NUDT3: variants seen among roughly 807,000 people sequenced by gnomAD.
NUDT3 encodes diphosphoinositol polyphosphate phosphohydrolase 1.
A neutral mutation model predicts 23.6 loss-of-function variants in NUDT3; 9 were observed. The observed-to-expected ratio is 0.38, with a 90% CI of 0.23 to 0.66. The LOEUF is 0.66. NUDT3 is among the 30% of genes least tolerant of loss of function. The pLI is 0.52. For synonymous variants in NUDT3, 86 were observed against 82.6 expected (o/e 1.04, Z -0.22); for missense variants, 172 against 218.5 (o/e 0.79, Z 1.34).
At chr6:34,358,716 A>G (rs1476386312) in intron 1 of NUDT3, among the ~76,000 whole-genome samples, 1 of 152,192 alleles carries the variant, frequency 6.6e-6, no homozygotes, top group Non-Finnish European at 1.5e-5. Flanking sequence ...GGGGGGCCAG[A>G]GCTAGGACTG....
chr6:34,372,988 C>A (rs1764856727), intron 1 of NUDT3, among the ~76,000 whole-genome samples: 1 of 151,136 alleles, frequency 6.6e-6, no homozygotes, highest in South Asian at 2.1e-4. Flanking sequence ...AGAGCGAGAG[C>A]ACGCGCGTGT....
intron 1 of NUDT3, among the ~76,000 whole-genome samples, chr6:34,345,491 A>G (rs139640994): frequency 0.095 from 14,339 of 150,514 alleles, 794 homozygotes; most frequent in Non-Finnish European, 0.12. Context: ...GTGAAACCCC[A>G]TCTCTACTAA....
chr6:34,362,558 A>G (rs1581890888), intron 1 of NUDT3, among the ~76,000 whole-genome samples: 1 of 152,234 alleles, frequency 6.6e-6, no homozygotes, highest in East Asian at 1.9e-4. Flanking sequence ...AAAAATTATT[A>G]GTAACAAGTG....
chr6:34,347,894 T>C (rs1029351160), intron 1 of NUDT3, among the ~76,000 whole-genome samples: 1 of 151,860 alleles, frequency 6.6e-6, no homozygotes, highest in African/African-American at 2.4e-5. Flanking sequence ...TCCTAGTTAC[T>C]TGGGAGGCTG....
chr6:34,376,053 C>A (rs1449162121), intron 1 of NUDT3, among the ~76,000 whole-genome samples: 1 of 152,138 alleles, frequency 6.6e-6, no homozygotes, highest in Non-Finnish European at 1.5e-5. Context: ...ATCTATAGTC[C>A]TAACTTCTTA....
At chr6:34,368,100 C>T (rs988236273) in intron 1 of NUDT3, among the ~76,000 whole-genome samples, 5 of 152,194 alleles carry the variant, frequency 3.3e-5, no homozygotes, top group African/African-American at 1.2e-4. Context: ...ACTCGGGAGG[C>T]TGAGGCAGAA....
intron 1 of NUDT3, among the ~76,000 whole-genome samples, chr6:34,342,544 T>C (rs998639047): frequency 2.6e-5 from 4 of 152,078 alleles, no homozygotes; most frequent in African/African-American, 9.7e-5. Flanking sequence ...AGTAGAAAAA[T>C]TCCTTTCATC....
intron 2 of NUDT3, among the ~76,000 whole-genome samples, chr6:34,311,203 T>A (rs758952467): frequency 6.6e-6 from 1 of 152,166 alleles, no homozygotes; most frequent in Non-Finnish European, 1.5e-5. Context: ...GACAAAAAAA[T>A]TGTGAAATTA....
chr6:34,316,281 C>G (rs1763856613), intron 2 of NUDT3, among the ~76,000 whole-genome samples: 1 of 152,166 alleles, frequency 6.6e-6, no homozygotes, highest in South Asian at 2.1e-4. Context: ...ATCAGTTATT[C>G]AGATGGCATC....
intron 4 of NUDT3, 60 bp downstream of exon 4, chr6:34,293,391 T>C (rs1007893104): frequency 4.1e-5 from 65 of 1,598,604 alleles, no homozygotes; most frequent in Admixed American, 1.5e-4. Flanking sequence ...GGTCATGACC[T>C]GTGGCATGGC....
At position 34,294,593 on chromosome 6, in the gene NUDT3, G is replaced by A. The variant is rs114070771; in HGVS notation, c.255+1048C>T. Reference sequence around the variant, plus strand: ...ATACAAAAACTGGCCAGATGTGGTGGCGGGCACTTGTAATCTCAGCTACTT... The same window carrying A: ...ATACAAAAACTGGCCAGATGTGGTGACGGGCACTTGTAATCTCAGCTACTT... On this transcript the variant is annotated intron_variant, in intron 3 of 4. Coordinates refer to ENST00000607016, the MANE Select transcript of NUDT3 (RefSeq NM_006703.4). Among the ~76,000 whole-genome samples, 950 of 152,074 alleles carry A rather than the reference G, an allele frequency of 6.2e-3. 11 individuals are homozygous for A. Among genetic ancestry groups the A allele is most frequent in the African/African-American group, 0.022 (898 of 41,506 alleles).
At chr6:34,316,339 G>A (rs1397035082) in intron 2 of NUDT3, among the ~76,000 whole-genome samples, 1 of 152,202 alleles carries the variant, frequency 6.6e-6, no homozygotes, top group South Asian at 2.1e-4. Context: ...TAGTAAAGAG[G>A]AACAAAAATG....
chr6:34,297,744 TATATATATATATATA>T (rs1362490651), intron 2 of NUDT3, among the ~76,000 whole-genome samples: 7 of 108,954 alleles, frequency 6.4e-5, no homozygotes, highest in South Asian at 6.4e-4. Flanking sequence ...TATATATATA[TATATATATATATATA>T]ATTTTTTTTT....
At chr6:34,347,095 G>A (rs1483930536) in intron 1 of NUDT3, among the ~76,000 whole-genome samples, 2 of 152,086 alleles carry the variant, frequency 1.3e-5, no homozygotes, top group African/African-American at 2.4e-5. Flanking sequence ...TTAGCCAGTG[G>A]TTTTACTCCT....
At chr6:34,296,246 G>C (rs1021990113) in intron 2 of NUDT3, among the ~76,000 whole-genome samples, 1 of 152,172 alleles carries the variant, frequency 6.6e-6, no homozygotes, top group Non-Finnish European at 1.5e-5. Context: ...TCCAGCCTGG[G>C]TGACAAAGTG....
chr6:34,364,493 C>A (rs764055793), intron 1 of NUDT3, among the ~76,000 whole-genome samples: 24 of 151,996 alleles, frequency 1.6e-4, no homozygotes, highest in Non-Finnish European at 2.2e-4. Flanking sequence ...CAATGGCCTG[C>A]CATGGCCTAG....
chr6:34,388,258 G>A (rs985310246), intron 1 of NUDT3, among the ~76,000 whole-genome samples: 21 of 152,060 alleles, frequency 1.4e-4, no homozygotes, highest in African/African-American at 1.9e-4. Context: ...TTCTCAGTAC[G>A]TATCCCCAAC....
At chr6:34,353,440 ATTTTTT>A in intron 1 of NUDT3, among the ~76,000 whole-genome samples, 1 of 143,082 alleles carries the variant, frequency 7.0e-6, no homozygotes, top group South Asian at 2.2e-4. Flanking sequence ...ACTCCCAAGT[ATTTTTT>A]TTTTTTTTTT....
chr6:34,374,507 T>G (rs1042559804), intron 1 of NUDT3, among the ~76,000 whole-genome samples: 1 of 152,232 alleles, frequency 6.6e-6, no homozygotes, highest in African/African-American at 2.4e-5. Context: ...CAGTCTGTCT[T>G]TGTGACGCTG....
Sources: gnomAD v4.1 joint callset for allele counts (sites outside exome capture counted in the v4.1 genomes callset) on GRCh38, gnomAD v4.1.1 for gene constraint, MANE v1.5 for transcripts, NCBI Gene and HGNC (gene_info 2026-07-23, HGNC 2026-07-21) for gene names.